The following SUPT6H variants were observed in gnomAD, a reference collection of about 807,000 sequenced individuals.
The protein encoded by SUPT6H is SPT6 homolog, histone chaperone and transcription elongation factor, also known as transcription elongation factor SPT6.
SUPT6H carries 11 observed loss-of-function variants against 222.3 expected under a neutral mutation model. The ratio of observed to expected loss-of-function variants is 0.05; its 90% CI spans 0.03 to 0.08. The LOEUF (loss-of-function observed/expected upper bound fraction) is 0.08, where lower values mean the gene tolerates loss of function less well. Among genes scored for constraint, SUPT6H ranks in the 10% least tolerant of loss-of-function variants. SUPT6H has a pLI of 1.00. For missense variants in SUPT6H, 1,422 were observed against 2,216.0 expected, an observed-to-expected ratio of 0.64 and a Z score of 7.19; for synonymous variants, 762 against 801.2, an observed-to-expected ratio of 0.95 and a Z score of 0.83.
chr17:28,665,168 G>A (rs1346851887), intron 1 of SUPT6H, among the ~76,000 whole-genome samples: 1 of 152,104 alleles, frequency 6.6e-6, no homozygotes, highest in Admixed American at 6.6e-5. Flanking sequence ...ATAGGCTGCT[G>A]CCTTCACCAT....
chr17:28,663,387 A>G (rs1044042925), intron 1 of SUPT6H, among the ~76,000 whole-genome samples: 2 of 152,090 alleles, frequency 1.3e-5, no homozygotes, highest in African/African-American at 4.8e-5. Flanking sequence ...TAGCCTTGCA[A>G]CTCTAGGAGG....
intron 11 of SUPT6H, 96 bp downstream of exon 11, chr17:28,679,059 A>G: frequency 6.7e-7 from 1 of 1,500,428 alleles, no homozygotes; most frequent in Non-Finnish European, 9.1e-7. Context: ...TGTGTAGCAC[A>G]GGGCCCCATC....
At position 28,669,891 on chromosome 17, in the gene SUPT6H, G is replaced by T. The variant is rs552359979; in HGVS notation, c.-31-3480G>T. Among the ~76,000 whole-genome samples the T allele has an allele frequency of 1.1e-3, 160 of 152,376 alleles. 1 individual carries two copies. Among genetic ancestry groups the T allele is most frequent in the Non-Finnish European group, 1.6e-3 (108 of 68,044 alleles). ...GCGGAGGTTGCAGCGAGCCAGGATCGTGCCATTGCACTTCATCCTGGGTGA... is the reference window on the plus strand; with the variant it reads ...GCGGAGGTTGCAGCGAGCCAGGATCTTGCCATTGCACTTCATCCTGGGTGA... On this transcript the variant is annotated intron_variant, in intron 1 of 36. Transcript: ENST00000314616.
chr17:28,681,847 CTA>C, intron 12 of SUPT6H, 33 bp from the exon 13 acceptor site: 1 of 1,567,066 alleles, frequency 6.4e-7, no homozygotes, highest in Non-Finnish European at 8.7e-7. Context: ...TGATTGGAAA[CTA>C]GAACCCTAAA....
intron 28 of SUPT6H, among the ~76,000 whole-genome samples, chr17:28,694,087 T>C (rs1008953071): frequency 1.3e-5 from 2 of 152,242 alleles, no homozygotes; most frequent in African/African-American, 4.8e-5. Flanking sequence ...GGGCTCTTCC[T>C]GTGTGGGAAG....
At chr17:28,685,724 T>C (rs2031347926) in intron 19 of SUPT6H, among the ~76,000 whole-genome samples, 1 of 152,164 alleles carries the variant, frequency 6.6e-6, no homozygotes, top group South Asian at 2.1e-4. Flanking sequence ...ACTCAAGTGA[T>C]CCATCTGCCT....
chr17:28,701,236 GACC>G (rs2032118988), intron 36 of SUPT6H, 108 bp downstream of exon 36: 1 of 1,465,206 alleles, frequency 6.8e-7, no homozygotes, highest in Non-Finnish European at 9.1e-7. Flanking sequence ...TGAGGGCCCT[GACC>G]ACATGATATG....
intron 23 of SUPT6H, 137 bp downstream of exon 23, chr17:28,687,608 C>G (rs1393456308): frequency 9.9e-7 from 1 of 1,006,236 alleles, no homozygotes; most frequent in Non-Finnish European, 1.4e-6. Context: ...TAGTGAGAGT[C>G]AAAAGAGTCT....
intron 25 of SUPT6H, 150 bp downstream of exon 25, chr17:28,689,711 C>T: frequency 1.2e-6 from 1 of 802,492 alleles, no homozygotes; most frequent in South Asian, 1.8e-5. Context: ...TACTGGGCTC[C>T]TCAAGGAAGT....
intron 1 of SUPT6H, chr17:28,670,108 A>G (rs1338323910): frequency 2.0e-5 from 3 of 152,246 alleles, no homozygotes; most frequent in African/African-American, 7.2e-5. Flanking sequence ...GAGAGAACAG[A>G]GGGACTGGCC....
chr17:28,682,928 C>T lies in SUPT6H; in HGVS notation c.1728-14C>T. Reference sequence around the variant, plus strand: ...CAACACCCTGGTCCTGTAGCTGCACCATTTTCCCCACAGCCAGTTCCCTAC... The same window carrying T: ...CAACACCCTGGTCCTGTAGCTGCACTATTTTCCCCACAGCCAGTTCCCTAC... On this transcript the variant is annotated splice_polypyrimidine_tract_variant and intron_variant, in intron 14 of 36. Coordinates refer to ENST00000314616, the MANE Select transcript of SUPT6H (RefSeq NM_003170.5). The T allele has an allele frequency of 6.2e-7, 1 of 1,611,492 alleles. No individual in the cohort carries two copies. The highest frequency in any genetic ancestry group is 2.2e-5 in the East Asian group (1 of 44,832).
intron 20 of SUPT6H, 57 bp from the exon 21 acceptor site, chr17:28,686,597 C>T (rs1597707934): frequency 6.5e-7 from 1 of 1,549,870 alleles, no homozygotes; most frequent in East Asian, 2.3e-5. Context: ...CCAAGGCAGT[C>T]ATGAGACTGT....
In SUPT6H at chr17:28,682,885, G is replaced by A. The variant is rs915782443; in HGVS notation, c.1727+29G>A. ...GGCATGCAGCAGGTGGCTGACAGGA[G>A]GAGGGGCCTGAGGACCACAACACCC... On this transcript the variant is annotated intron_variant, in intron 14 of 36. Coordinates refer to ENST00000314616, the MANE Select transcript of SUPT6H (RefSeq NM_003170.5). The A allele has an allele frequency of 3.1e-6, 5 of 1,613,912 alleles. No homozygotes were observed. The African/African-American group carries it at 5.3e-5, about 17-fold the overall frequency.
chr17:28,683,488 G>A, intron 16 of SUPT6H, 66 bp downstream of exon 16: 1 of 1,599,408 alleles, frequency 6.3e-7, no homozygotes, highest in Non-Finnish European at 8.5e-7. Flanking sequence ...TGGAGGGAAG[G>A]GCCCCTCAGG....
At position 28,686,491 on chromosome 17, in the gene SUPT6H, C is replaced by T. The variant is rs1489430268; in HGVS notation, c.2564+76C>T. ...CCTTATTATTGAGTCTGGCATATGC[C>T]CATAACAGATGGGGCTTGTGCTTGT... On this transcript the variant is annotated intron_variant, in intron 20 of 36. Transcript: ENST00000314616. 2.6e-6 allele frequency: 4 copies of T among 1,560,766 alleles called. No individual in the cohort carries two copies. In the African/African-American group the frequency reaches 4.1e-5, roughly 16 times the overall value.
At chr17:28,671,749 CA>C (rs1238056069) in intron 1 of SUPT6H, among the ~76,000 whole-genome samples, 19 of 152,278 alleles carry the variant, frequency 1.2e-4, no homozygotes, top group East Asian at 9.6e-4. Context: ...GATTCAAATT[CA>C]AACTCAGGTT....
Position 28,684,850 on chromosome 17 carries a change from C to T in SUPT6H, c.2376C>T (p.His792=). The T allele has an allele frequency of 6.2e-7, 1 of 1,614,148 alleles. No individual in the cohort carries two copies. Among genetic ancestry groups the T allele is most frequent in the Non-Finnish European group, 8.5e-7 (1 of 1,180,018 alleles). Residue 792 remains histidine, a synonymous_variant, in exon 19 of 37, where the codon CAC becomes CAT. Coordinates refer to ENST00000314616, the MANE Select transcript of SUPT6H (RefSeq NM_003170.5). ...TTTTCTGTCTGTCTGGCAGAGATCACCCTGTGTTCTGCGCCCTGGTCAATG... is the reference window on the plus strand; with the variant it reads ...TTTTCTGTCTGTCTGGCAGAGATCATCCTGTGTTCTGCGCCCTGGTCAATG... ...LGIAFSSARD[H]PVFCALVNGE...
chr17:28,686,378 A>C lies in SUPT6H; in HGVS notation c.2527A>C (p.Lys843Gln). ...IETLKKFLLN[K>Q]KPHVVTVAGE... ...AACGCTAAAGAAATTTCTCCTGAAT[A>C]AGAAGCCTCATGTAGTGACAGTTGC... Residue 843 changes from lysine to glutamine, a missense_variant, in exon 20 of 37, where the codon AAG becomes CAG. Transcript: ENST00000314616. 6.2e-7 allele frequency: 1 copy of C among 1,614,246 alleles called. No homozygotes were observed. Among genetic ancestry groups the C allele is most frequent in the Non-Finnish European group, 8.5e-7 (1 of 1,180,038 alleles).
At chr17:28,690,771 C>T (rs2031603621) in intron 26 of SUPT6H, 150 bp from the exon 27 acceptor site, 1 of 976,378 alleles carries the variant, frequency 1.0e-6, no homozygotes. Flanking sequence ...AAGACTTCAT[C>T]TCAAAAATAA....
Sources: allele counts gnomAD v4.1 joint callset (sites outside exome capture counted in the v4.1 genomes callset), GRCh38; gene constraint gnomAD v4.1.1; transcripts MANE v1.5; gene names NCBI Gene and HGNC (gene_info 2026-07-23, HGNC 2026-07-21).